Variants in PDE7B observed in about 807,000 individuals in gnomAD.
PDE7B encodes phosphodiesterase 7B.
PDE7B carries 29 observed loss-of-function variants against 56.2 expected under a neutral mutation model. That is an observed-to-expected ratio of 0.52 (90% CI 0.38 to 0.70). The LOEUF (loss-of-function observed/expected upper bound fraction) is 0.70. Among genes scored for constraint, PDE7B ranks in the 30% least tolerant of loss-of-function variants. The probability of loss-of-function intolerance (pLI) is 0.00; values close to 1 mark genes in which losing one functional copy is unlikely to be tolerated. For synonymous variants in PDE7B, 197 were observed against 196.9 expected (o/e 1.00, Z 0.00); for missense variants, 490 against 565.0 (o/e 0.87, Z 1.35).
intron 2 of PDE7B, among the ~76,000 whole-genome samples, chr6:136,076,429 C>T (rs1024168145): frequency 6.6e-4 from 100 of 152,110 alleles, no homozygotes; most frequent in African/African-American, 2.1e-3. Flanking sequence ...GCCAAGATTG[C>T]GCCATTACAC....
intron 5 of PDE7B, 104 bp downstream of exon 5, chr6:136,149,254 C>A: frequency 1.3e-6 from 1 of 772,992 alleles, no homozygotes; most frequent in South Asian, 1.5e-5. Context: ...CTTTTTCCTT[C>A]TTTCCCCATT....
At chr6:136,159,127 A>T (rs1443992116) in intron 8 of PDE7B, among the ~76,000 whole-genome samples, 1 of 152,158 alleles carries the variant, frequency 6.6e-6, no homozygotes, top group Non-Finnish European at 1.5e-5. Flanking sequence ...CATTTATCAC[A>T]AGCACTTAGA....
At chr6:136,084,388 T>G (rs74406055) in intron 2 of PDE7B, among the ~76,000 whole-genome samples, 5 of 152,146 alleles carry the variant, frequency 3.3e-5, no homozygotes, top group African/African-American at 1.2e-4. Context: ...CAGAAATATA[T>G]ATTCAGCTTG....
intron 12 of PDE7B, 121 bp from the exon 13 acceptor site, chr6:136,191,493 C>A: frequency 6.2e-6 from 5 of 807,796 alleles, no homozygotes; most frequent in Non-Finnish European, 8.0e-6. Flanking sequence ...ATGGGGAAAC[C>A]CCATCTCTAC....
chr6:136,178,978 T>C lies in PDE7B; in HGVS notation c.804-19T>C. On this transcript the variant is annotated intron_variant, in intron 9 of 12. Transcript: ENST00000308191. ...ATTTGCTTTGTGTGTGTTTTTCTCTTTCATTCTTGTGGATGCAGACAGGAT... is the reference window on the plus strand; with the variant it reads ...ATTTGCTTTGTGTGTGTTTTTCTCTCTCATTCTTGTGGATGCAGACAGGAT... 1 of 1,613,764 alleles carries C rather than the reference T, an allele frequency of 6.2e-7. No homozygotes were observed. The highest frequency in any genetic ancestry group is 1.7e-5 in the Admixed American group (1 of 60,006).
chr6:135,970,343 C>G (rs979215883), intron 2 of PDE7B, among the ~76,000 whole-genome samples: 3 of 151,928 alleles, frequency 2.0e-5, no homozygotes. Context: ...GAGAGGGCAA[C>G]AGGTGGAACA....
rs74581974 is a variant in PDE7B at position 135,874,432 on chromosome 6, A to C, written c.21+22413A>C. ...ACAACCTTTGAAAGAGGGTATATTC[A>C]CTGTGGTCCATTTCTAAATATTTTA... On this transcript the variant is annotated intron_variant, in intron 1 of 12. Transcript: ENST00000308191. Among the ~76,000 whole-genome samples the C allele has an allele frequency of 5.9e-3, 898 of 152,248 alleles. 3 individuals carry two copies. Among genetic ancestry groups the C allele is most frequent in the Non-Finnish European group, 0.011 (719 of 68,028 alleles).
At position 135,905,719 on chromosome 6, in the gene PDE7B, C is replaced by G. The variant is rs530424804; in HGVS notation, c.22-41745C>G. ...TCTTGCCATGTTTCTCTTTCTTTCT[C>G]TGTGTGGGTGCGAGGGTGTGGGGAG... On this transcript the variant is annotated intron_variant, in intron 1 of 12. Coordinates refer to ENST00000308191, the MANE Select transcript of PDE7B (RefSeq NM_018945.4). Among the ~76,000 whole-genome samples the G allele has an allele frequency of 5.9e-5, 9 of 152,328 alleles. No individual in the cohort carries two copies. In the South Asian group the frequency reaches 1.9e-3, roughly 32 times the overall value.
chr6:136,038,579 A>C (rs1583842115), intron 2 of PDE7B: 5 of 1,219,154 alleles, frequency 4.1e-6, no homozygotes, highest in Non-Finnish European at 5.3e-6. Context: ...CTGATAACTA[A>C]CTCCCTTTCT....
At chr6:136,046,971 G>A (rs930521814) in intron 2 of PDE7B, among the ~76,000 whole-genome samples, 1 of 152,142 alleles carries the variant, frequency 6.6e-6, no homozygotes, top group Admixed American at 6.5e-5. Flanking sequence ...TATGCCTCTA[G>A]AGGGGTGGAA....
chr6:136,001,829 A>G (rs1264041004), intron 2 of PDE7B, among the ~76,000 whole-genome samples: 3 of 152,076 alleles, frequency 2.0e-5, no homozygotes, highest in Non-Finnish European at 4.4e-5. Flanking sequence ...GCCAACATTC[A>G]GATTCAGGAA....
rs138409784 is a variant in PDE7B at position 135,944,166 on chromosome 6, C to T, written c.22-3298C>T. Among the ~76,000 whole-genome samples, 273 of 152,268 alleles carry T rather than the reference C, an allele frequency of 1.8e-3. 2 individuals are homozygous for T. Among genetic ancestry groups the T allele is most frequent in the South Asian group, 7.9e-3 (38 of 4,818 alleles). On this transcript the variant is annotated intron_variant, in intron 1 of 12. Transcript: ENST00000308191. ...GCAGCAGGGTGCTTGCATGGGGACT[C>T]CCAGCAAGCTTGACTAGAGCATAGA...
intron 2 of PDE7B, among the ~76,000 whole-genome samples, chr6:136,029,335 A>G (rs1404622827): frequency 6.6e-6 from 1 of 152,236 alleles, no homozygotes; most frequent in Non-Finnish European, 1.5e-5. Context: ...GGCATTTATT[A>G]AAAGCCCAGT....
At chr6:136,054,804 G>A (rs966271140) in intron 2 of PDE7B, among the ~76,000 whole-genome samples, 11 of 152,224 alleles carry the variant, frequency 7.2e-5, no homozygotes, top group South Asian at 4.2e-4. Flanking sequence ...CCTCACAATC[G>A]TGGTGGAAGA....
chr6:135,865,615 T>TTG (rs3037648), intron 1 of PDE7B, among the ~76,000 whole-genome samples: 2,795 of 142,336 alleles, frequency 0.02, 52 homozygotes, highest in African/African-American at 0.046. Flanking sequence ...GCACTAGGCA[T>TTG]TGTGTGTGTG....
Position 136,030,678 on chromosome 6 carries a change from A to C in PDE7B, c.83-78053A>C, listed in dbSNP as rs531965422. 6.6e-5 allele frequency among the ~76,000 whole-genome samples: 10 copies of C among 152,358 alleles called. No homozygotes were observed. The East Asian group carries it at 1.7e-3, about 26-fold the overall frequency. On this transcript the variant is annotated intron_variant, in intron 2 of 12. Coordinates refer to ENST00000308191, the MANE Select transcript of PDE7B (RefSeq NM_018945.4). ...AGGCTTCATGGAAAGACTACTTTAC[A>C]TAAATCTTTAATAAACCAAATGAAA...
At chr6:136,052,774 G>T (rs893960105) in intron 2 of PDE7B, among the ~76,000 whole-genome samples, 2 of 152,154 alleles carry the variant, frequency 1.3e-5, no homozygotes. Context: ...TCTGTGCCAG[G>T]CATTTCACTT....
At chr6:136,034,218 A>G (rs1030809102) in intron 2 of PDE7B, 1 of 152,226 alleles carries the variant, frequency 6.6e-6, no homozygotes, top group Non-Finnish European at 1.5e-5. Flanking sequence ...CAAATCATGT[A>G]TAATAAATGC....
rs1562434057 is a variant in PDE7B, at chr6:135,906,813, T to TTTTTTTTTTTTTTTTTTTTTG, written c.22-40631_22-40630insGTTTTTTTTTTTTTTTTTTTT. Among the ~76,000 whole-genome samples, 78 of 109,332 alleles carry TTTTTTTTTTTTTTTTTTTTTG rather than the reference T, an allele frequency of 7.1e-4. 1 individual carries two copies. Among genetic ancestry groups the TTTTTTTTTTTTTTTTTTTTTG allele is most frequent in the African/African-American group, 9.8e-4 (19 of 19,360 alleles). The allele number at this position is 109,332 out of a possible 152,430, so 71.7% of individuals were successfully genotyped here. A position where few individuals can be genotyped will look rare whatever the true frequency, so the allele number is the denominator to read the frequency against. ...GACTCAAATGTTAATGAGGTTTGTTTTTTTTTTTTTTTTTTTTTTTTTTAA... is the reference window on the plus strand; with the variant it reads ...GACTCAAATGTTAATGAGGTTTGTTTTTTTTTTTTTTTTTTTTTTTGTTTTTTTTTTTTTTTTTTTTTTTAA... On this transcript the variant is annotated intron_variant, in intron 1 of 12. Coordinates refer to ENST00000308191, the MANE Select transcript of PDE7B (RefSeq NM_018945.4).
Sources: allele counts gnomAD v4.1 joint callset (sites outside exome capture counted in the v4.1 genomes callset), GRCh38; gene constraint gnomAD v4.1.1; transcripts MANE v1.5; gene names NCBI Gene and HGNC (gene_info 2026-07-23, HGNC 2026-07-21).